OXR1: variants seen among roughly 807,000 people sequenced by gnomAD.
OXR1 encodes oxidation resistance protein 1.
In OXR1, 41 loss-of-function variants were observed where a neutral mutation model predicts 104.6. That is an observed-to-expected ratio of 0.39 (90% confidence interval 0.31 to 0.51). The LOEUF is 0.51. Ranked by LOEUF, OXR1 falls within the 20% of genes least tolerant of loss-of-function variation. The probability of loss-of-function intolerance (pLI) is 0.77; values close to 1 mark genes in which losing one functional copy is unlikely to be tolerated. For missense variants in OXR1, 955 were observed against 1,031.9 expected (o/e 0.93, Z 1.02); for synonymous variants, 348 against 348.4 (o/e 1.00, Z 0.01).
At chr8:106,503,400 A>T (rs1811937802) in intron 2 of OXR1, among the ~76,000 whole-genome samples, 1 of 152,210 alleles carries the variant, frequency 6.6e-6, no homozygotes, top group Non-Finnish European at 1.5e-5. Flanking sequence ...GCTGGTAGAC[A>T]GGGACTGATT....
chr8:106,376,168 A>C (rs1282180246), intron 2 of OXR1, among the ~76,000 whole-genome samples: 6 of 152,200 alleles, frequency 3.9e-5, no homozygotes, highest in Non-Finnish European at 8.8e-5. Context: ...CCAGCTGTGA[A>C]TTAGCGCTGT....
chr8:106,728,907 A>G (rs1028328549), intron 11 of OXR1, among the ~76,000 whole-genome samples: 5 of 152,188 alleles, frequency 3.3e-5, no homozygotes, highest in African/African-American at 1.2e-4. Flanking sequence ...AGGCCGTCAT[A>G]TATGAACAGA....
chr8:106,478,765 G>C (rs1468106222), intron 2 of OXR1, among the ~76,000 whole-genome samples: 3 of 151,660 alleles, frequency 2.0e-5, no homozygotes, highest in Non-Finnish European at 4.4e-5. Context: ...CCTACTGCTT[G>C]CTTTTCATTA....
chr8:106,684,420 G>A, intron 6 of OXR1, 61 bp downstream of exon 6: 2 of 822,960 alleles, frequency 2.4e-6, no homozygotes, highest in Non-Finnish European at 4.2e-6. Context: ...TACATTGACT[G>A]TCTTGTTTTT....
intron 2 of OXR1, among the ~76,000 whole-genome samples, chr8:106,390,352 G>A (rs1347247845): frequency 6.6e-6 from 1 of 152,192 alleles, no homozygotes; most frequent in Non-Finnish European, 1.5e-5. Context: ...GAGAGGAGGA[G>A]AAGGGGAGTG....
chr8:106,668,906 G>A (rs1826633855), intron 3 of OXR1, among the ~76,000 whole-genome samples: 1 of 152,134 alleles, frequency 6.6e-6, no homozygotes, highest in African/African-American at 2.4e-5. Flanking sequence ...CAAATCAATA[G>A]TAAATCTGTA....
chr8:106,351,961 T>C (rs1036485010), intron 1 of OXR1, among the ~76,000 whole-genome samples: 3 of 152,146 alleles, frequency 2.0e-5, no homozygotes, highest in Admixed American at 6.5e-5. Context: ...ATAAGCACAG[T>C]TGGTAATCGC....
intron 2 of OXR1, among the ~76,000 whole-genome samples, chr8:106,404,160 T>C (rs1172957602): frequency 6.6e-6 from 1 of 152,144 alleles, no homozygotes; most frequent in African/African-American, 2.4e-5. Context: ...GGGATGCTGC[T>C]ACCACTGGGT....
intron 3 of OXR1, chr8:106,657,751 G>C: frequency 1.0e-6 from 1 of 968,650 alleles, no homozygotes; most frequent in African/African-American, 1.7e-5. Flanking sequence ...GAAGCCACAA[G>C]AAAAACTTTT....
intron 3 of OXR1, among the ~76,000 whole-genome samples, chr8:106,669,062 T>C (rs1235037798): frequency 6.6e-6 from 1 of 152,122 alleles, no homozygotes; most frequent in Non-Finnish European, 1.5e-5. Flanking sequence ...GAGCCAACTT[T>C]AAGGTCTAGA....
intron 2 of OXR1, among the ~76,000 whole-genome samples, chr8:106,481,633 T>C (rs558089458): frequency 6.6e-6 from 1 of 152,164 alleles, no homozygotes; most frequent in African/African-American, 2.4e-5. Flanking sequence ...TGCACTCAAA[T>C]TTAGTTTTTG....
intron 2 of OXR1, among the ~76,000 whole-genome samples, chr8:106,436,093 A>G (rs762133112): frequency 6.7e-6 from 1 of 149,266 alleles, no homozygotes; most frequent in Non-Finnish European, 1.5e-5. Flanking sequence ...AAAAACAGAT[A>G]CTGTTTATAA....
intron 11 of OXR1, chr8:106,726,269 A>T (rs1833336004): frequency 2.6e-6 from 4 of 1,530,032 alleles, no homozygotes; most frequent in Non-Finnish European, 2.6e-6. Flanking sequence ...TATGGGAAAA[A>T]AGGGAGAAGA....
chr8:106,532,293 T>C (rs984049400), intron 3 of OXR1, among the ~76,000 whole-genome samples: 2 of 152,204 alleles, frequency 1.3e-5, no homozygotes, highest in African/African-American at 4.8e-5. Flanking sequence ...AGCCATATAG[T>C]GTAAGAGCTA....
rs760101938 is a variant in OXR1 at position 106,699,577 on chromosome 8, T to C, written c.676-3329T>C. ...TGGTGTGTGTATGCATGTGTGTGTT[T>C]ATTGTAGTTTTAGGCAGCATTAGTT... On this transcript the variant is annotated intron_variant, in intron 7 of 16. Coordinates refer to ENST00000517566, the MANE Select transcript of OXR1 (RefSeq NM_001198533.2). 3.3e-5 allele frequency among the ~76,000 whole-genome samples: 5 copies of C among 152,322 alleles called. No individual in the cohort carries two copies. In the South Asian group the frequency reaches 1.0e-3, roughly 32 times the overall value.
At chr8:106,438,222 T>C (rs955642056) in intron 2 of OXR1, among the ~76,000 whole-genome samples, 4 of 152,104 alleles carry the variant, frequency 2.6e-5, no homozygotes, top group Non-Finnish European at 4.4e-5. Flanking sequence ...CAACCAATTA[T>C]ATTCAAATCC....
chr8:106,515,112 G>A (rs1205574041), intron 2 of OXR1, among the ~76,000 whole-genome samples: 1 of 151,988 alleles, frequency 6.6e-6, no homozygotes, highest in Non-Finnish European at 1.5e-5. Context: ...GTGTAAGTGT[G>A]CTCTCCTGGA....
chr8:106,311,044 A>C (rs1006053747), intron 1 of OXR1, among the ~76,000 whole-genome samples: 1 of 152,048 alleles, frequency 6.6e-6, no homozygotes, highest in Non-Finnish European at 1.5e-5. Context: ...AGCTCCTACA[A>C]TATGTGTATT....
chr8:106,280,372 C>T (rs190428012), intron 1 of OXR1, among the ~76,000 whole-genome samples: 158 of 152,270 alleles, frequency 1.0e-3, no homozygotes, highest in African/African-American at 3.8e-3. Context: ...CACGGCCATT[C>T]GGGCTTTGGA....
Sources: allele counts gnomAD v4.1 joint callset (sites outside exome capture counted in the v4.1 genomes callset), GRCh38; gene constraint gnomAD v4.1.1; transcripts MANE v1.5; gene names NCBI Gene and HGNC (gene_info 2026-07-23, HGNC 2026-07-21).